The following KCTD8 variants were observed in gnomAD, a reference collection of about 807,000 sequenced individuals.
KCTD8 encodes the protein BTB/POZ domain-containing protein KCTD8.
Under a neutral mutation model 31.5 loss-of-function variants are expected in KCTD8, and 27 were observed. The observed-to-expected ratio is 0.86, with a 90% confidence interval of 0.63 to 1.18. The LOEUF (loss-of-function observed/expected upper bound fraction) is 1.18. Among genes scored for constraint, KCTD8 ranks in the 50% most tolerant of loss-of-function variants. KCTD8 has a pLI of 0.00. For missense variants in KCTD8, 658 were observed against 647.7 expected (o/e 1.02, Z -0.17); for synonymous variants, 290 against 280.0 (o/e 1.04, Z -0.36).
intron 1 of KCTD8, among the ~76,000 whole-genome samples, chr4:44,327,675 A>G (rs894586848): frequency 9.4e-5 from 14 of 149,004 alleles, no homozygotes; most frequent in Non-Finnish European, 1.6e-4. Context: ...ACTCTGGGGG[A>G]AAAAAAACAA....
intron 1 of KCTD8, among the ~76,000 whole-genome samples, chr4:44,409,614 G>A (rs958937051): frequency 2.0e-5 from 3 of 151,848 alleles, no homozygotes; most frequent in African/African-American, 7.3e-5. Context: ...TTTAAGGAAC[G>A]TACTACAGAA....
chr4:44,266,701 C>G (rs1461640597), intron 1 of KCTD8, among the ~76,000 whole-genome samples: 1 of 151,638 alleles, frequency 6.6e-6, no homozygotes, highest in East Asian at 1.9e-4. Flanking sequence ...GGAGGAAGAT[C>G]TACCAAGCAA....
At position 44,448,289 on chromosome 4, in the gene KCTD8, G is replaced by T. The variant is rs752490830; in HGVS notation, c.235C>A (p.Pro79Thr). ...CCCCGGCGCCGGGCGCCGCCACGGG[G>T]ACTAGAGGGCGAGAACATGCTGGCC... ...TLASMFSPSSPRGGARRRGEL... is the reference protein window; with the variant it reads ...TLASMFSPSSTRGGARRRGEL... Residue 79 changes from proline to threonine, a missense_variant, in exon 1 of 2, where the codon CCC (proline) becomes ACC (threonine). Transcript: ENST00000360029. This position sits in a 1 kb window ranked among gnomAD's most constrained non-coding sequence, Gnocchi z 4.1. 5.0e-6 allele frequency: 8 copies of T among 1,608,240 alleles called. No individual in the cohort carries two copies. The Admixed American group carries it at 1.4e-4, about 27-fold the overall frequency.
intron 1 of KCTD8, among the ~76,000 whole-genome samples, chr4:44,187,958 A>AACACACACACACAC (rs143071896): frequency 9.7e-5 from 14 of 144,658 alleles, no homozygotes; most frequent in African/African-American, 3.0e-4. Context: ...GGAAGAGGTA[A>AACACACACACACAC]ACACACACAC....
intron 1 of KCTD8, among the ~76,000 whole-genome samples, chr4:44,221,821 T>A (rs942869142): frequency 6.6e-6 from 1 of 151,872 alleles, no homozygotes; most frequent in East Asian, 2.0e-4. Flanking sequence ...ATTGAGGGTG[T>A]CTGTGTCTCC....
At chr4:44,277,631 T>A (rs1302894139) in intron 1 of KCTD8, among the ~76,000 whole-genome samples, 1 of 151,862 alleles carries the variant, frequency 6.6e-6, no homozygotes, top group African/African-American at 2.4e-5. Flanking sequence ...AGACCCCTGT[T>A]TTTCCTCGAT....
chr4:44,197,711 T>G (rs994430184), intron 1 of KCTD8, among the ~76,000 whole-genome samples: 9 of 152,138 alleles, frequency 5.9e-5, no homozygotes, highest in African/African-American at 2.2e-4. Flanking sequence ...CCCTCTCAGA[T>G]GGGAAAAAAT....
intron 1 of KCTD8, among the ~76,000 whole-genome samples, chr4:44,316,567 A>G (rs1406789869): frequency 6.6e-6 from 1 of 151,836 alleles, no homozygotes; most frequent in African/African-American, 2.4e-5. Flanking sequence ...CTAGATGATT[A>G]CTCCCTTAAA....
At chr4:44,197,483 A>G (rs1464976625) in intron 1 of KCTD8, among the ~76,000 whole-genome samples, 1 of 152,214 alleles carries the variant, frequency 6.6e-6, no homozygotes, top group Non-Finnish European at 1.5e-5. Context: ...GCTAAAATAC[A>G]AAAGAGCCAA....
chr4:44,179,259 T>G lies in KCTD8; in HGVS notation c.962-4009A>C, dbSNP rs77120268. 7.7e-3 allele frequency among the ~76,000 whole-genome samples: 1,167 copies of G among 152,024 alleles called. 18 individuals carry two copies. The highest frequency in any genetic ancestry group is 0.026 in the African/African-American group (1,087 of 41,504). On this transcript the variant is annotated intron_variant, in intron 1 of 1. Coordinates refer to ENST00000360029, the MANE Select transcript of KCTD8 (RefSeq NM_198353.3). The stretch of plus-strand genomic sequence containing the variant: ...CTTGTCTTTCCAATGACAAATAATA[T>G]GGGCCAGGGCATGGTCGGAAATAGA...
chr4:44,194,181 T>C (rs1382937795), intron 1 of KCTD8, among the ~76,000 whole-genome samples: 9 of 152,184 alleles, frequency 5.9e-5, no homozygotes, highest in Non-Finnish European at 1.2e-4. Context: ...GGCCAGAAAT[T>C]TCTGCTAAGA....
intron 1 of KCTD8, among the ~76,000 whole-genome samples, chr4:44,198,171 T>A (rs1170684086): frequency 2.6e-5 from 4 of 152,174 alleles, no homozygotes; most frequent in African/African-American, 9.7e-5. Flanking sequence ...AGACCAAATC[T>A]ATAACTCACT....
chr4:44,182,834 A>G (rs999018430), intron 1 of KCTD8, among the ~76,000 whole-genome samples: 1 of 152,246 alleles, frequency 6.6e-6, no homozygotes, highest in East Asian at 1.9e-4. Context: ...TTGTTATTCT[A>G]AGCAAGTTGC....
At position 44,352,389 on chromosome 4, in the gene KCTD8, T is replaced by C. The variant is rs561637669; in HGVS notation, c.961+95174A>G. 3.7e-4 allele frequency among the ~76,000 whole-genome samples: 55 copies of C among 148,692 alleles called. No individual in the cohort carries two copies. The South Asian group carries it at 0.011, about 31-fold the overall frequency. On this transcript the variant is annotated intron_variant, in intron 1 of 1. Coordinates refer to ENST00000360029, the MANE Select transcript of KCTD8 (RefSeq NM_198353.3). ...GAAATTTAGTAAAAGGAAAGACACA[T>C]TAAAAAGAATAGAAATAGAAATAGA...
intron 1 of KCTD8, among the ~76,000 whole-genome samples, chr4:44,192,617 G>C (rs1467906237): frequency 6.6e-6 from 1 of 152,116 alleles, no homozygotes; most frequent in Non-Finnish European, 1.5e-5. Context: ...ATGTCACTAT[G>C]TGTCACCTTT....
intron 1 of KCTD8, among the ~76,000 whole-genome samples, chr4:44,322,098 T>C (rs1407354076): frequency 6.6e-6 from 1 of 151,960 alleles, no homozygotes; most frequent in Non-Finnish European, 1.5e-5. Flanking sequence ...CTGATTTCCC[T>C]TTTTTTGGTT....
At chr4:44,361,606 G>A (rs907427361) in intron 1 of KCTD8, among the ~76,000 whole-genome samples, 1 of 152,054 alleles carries the variant, frequency 6.6e-6, no homozygotes, top group African/African-American at 2.4e-5. Flanking sequence ...AAGGTGATAT[G>A]TAATCTGCAT....
chr4:44,295,596 T>A (rs931495690), intron 1 of KCTD8, among the ~76,000 whole-genome samples: 2 of 152,198 alleles, frequency 1.3e-5, no homozygotes, highest in Non-Finnish European at 2.9e-5. Context: ...GTATTACCTG[T>A]CATTTATTTT....
intron 1 of KCTD8, among the ~76,000 whole-genome samples, chr4:44,325,259 A>C (rs537532188): frequency 6.6e-6 from 1 of 151,942 alleles, no homozygotes; most frequent in South Asian, 2.1e-4. Context: ...GGAGAAATTC[A>C]AAGTGAAGAG....
Sources: gnomAD v4.1 joint callset for allele counts (sites outside exome capture counted in the v4.1 genomes callset) on GRCh38, gnomAD v4.1.1 for gene constraint, Gnocchi (gnomAD v3.1) non-coding constraint, MANE v1.5 for transcripts, NCBI Gene and HGNC (gene_info 2026-07-23, HGNC 2026-07-21) for gene names.